Variants in RAD51B observed in about 807,000 individuals in gnomAD.
RAD51B encodes the protein DNA repair protein RAD51 homolog 2.
Under a neutral mutation model 42.2 loss-of-function variants are expected in RAD51B, and 38 were observed. That is an observed-to-expected ratio of 0.90 (90% CI 0.70 to 1.18). The LOEUF (loss-of-function observed/expected upper bound fraction) is 1.18, where lower values mean the gene tolerates loss of function less well. Among genes scored for constraint, RAD51B ranks in the 50% most tolerant of loss-of-function variants. The pLI, the probability that RAD51B is intolerant of heterozygous loss-of-function variation, is 0.00. For missense variants in RAD51B, 373 were observed against 400.7 expected (o/e 0.93, Z 0.59); for synonymous variants, 154 against 145.2 (o/e 1.06, Z -0.43).
intron 10 of RAD51B, among the ~76,000 whole-genome samples, chr14:68,507,965 TTTG>T (rs1483790262): frequency 6.6e-6 from 1 of 152,150 alleles, no homozygotes; most frequent in South Asian, 2.1e-4. Context: ...ACCCACAACC[TTTG>T]TACCGTCGGA....
intron 10 of RAD51B, among the ~76,000 whole-genome samples, chr14:68,635,187 C>G (rs1892317348): frequency 6.6e-6 from 1 of 152,174 alleles, no homozygotes; most frequent in South Asian, 2.1e-4. Context: ...GTGATCCGAT[C>G]CAATAATAGA....
chr14:68,632,375 G>A (rs1048341595), intron 10 of RAD51B, among the ~76,000 whole-genome samples: 4 of 152,144 alleles, frequency 2.6e-5, no homozygotes, highest in East Asian at 1.9e-4. Context: ...CAGGGAGAGC[G>A]GCCAAGTGAG....
At chr14:68,174,569 A>G (rs1175037560) in intron 7 of RAD51B, among the ~76,000 whole-genome samples, 2 of 152,146 alleles carry the variant, frequency 1.3e-5, no homozygotes, top group Non-Finnish European at 2.9e-5. Context: ...GATAGGATAC[A>G]TTGGAAATAC....
Position 68,100,491 on chromosome 14 carries a change from T to A in RAD51B, c.757-191393T>A, listed in dbSNP as rs529187771. 7.9e-5 allele frequency among the ~76,000 whole-genome samples: 12 copies of A among 152,278 alleles called. No homozygotes were observed. In the South Asian group the frequency reaches 2.3e-3, roughly 29 times the overall value. ...ACTGCACGTGGCCCAAAGTCTGTAATTTTTTTCAGTAAAGATTGATGGACT... is the reference window on the plus strand; with the variant it reads ...ACTGCACGTGGCCCAAAGTCTGTAAATTTTTTCAGTAAAGATTGATGGACT... On this transcript the variant is annotated intron_variant, in intron 7 of 10. Coordinates refer to ENST00000471583, the MANE Select transcript of RAD51B (RefSeq NM_133510.4).
intron 7 of RAD51B, among the ~76,000 whole-genome samples, chr14:68,012,986 AC>A (rs1210896279): frequency 6.6e-6 from 1 of 152,206 alleles, no homozygotes; most frequent in Non-Finnish European, 1.5e-5. Context: ...TTACCCCACA[AC>A]TTAGTGGCAC....
At chr14:68,423,630 C>A (rs145946715) in intron 9 of RAD51B, among the ~76,000 whole-genome samples, 1,982 of 152,302 alleles carry the variant, frequency 0.013, 80 homozygotes, top group Admixed American at 0.082. Flanking sequence ...AGGTTCTTAA[C>A]CTTTATTCTA....
chr14:68,384,538 GC>G lies in RAD51B; in HGVS notation c.854-26884del, dbSNP rs780122918. ...CAGAGTGGCAAGGCTGGCATGTCTG[GC>G]CTAAGTGTACACTCACGTCATTTAT... On this transcript the variant is annotated intron_variant, in intron 8 of 10. Coordinates refer to ENST00000471583, the MANE Select transcript of RAD51B (RefSeq NM_133510.4). Among the ~76,000 whole-genome samples the G allele has an allele frequency of 1.3e-4, 20 of 152,310 alleles. No homozygotes were observed. In the East Asian group the frequency reaches 3.5e-3, roughly 26 times the overall value.
At chr14:67,914,129 C>T (rs1210469851) in intron 7 of RAD51B, among the ~76,000 whole-genome samples, 1 of 152,082 alleles carries the variant, frequency 6.6e-6, no homozygotes, top group African/African-American at 2.4e-5. Flanking sequence ...ATATTAGGTG[C>T]ATACCACCAC....
intron 7 of RAD51B, among the ~76,000 whole-genome samples, chr14:68,291,284 C>T (rs975665647): frequency 2.0e-5 from 3 of 151,980 alleles, no homozygotes; most frequent in African/African-American, 4.8e-5. Context: ...CCACAACCTC[C>T]GCCTCTCGGA....
chr14:68,643,039 TG>T, intron 10 of RAD51B, among the ~76,000 whole-genome samples: 3 of 152,240 alleles, frequency 2.0e-5, no homozygotes, highest in Admixed American at 6.5e-5. Context: ...ATGTTCCATG[TG>T]TGCTTGAGAA....
chr14:68,180,419 G>A (rs2079040499), intron 7 of RAD51B, among the ~76,000 whole-genome samples: 3 of 152,132 alleles, frequency 2.0e-5, no homozygotes, highest in Admixed American at 2.0e-4. Flanking sequence ...AGAGAGGGCC[G>A]GGGTAGAGGA....
chr14:68,011,320 C>T (rs1170330615), intron 7 of RAD51B, among the ~76,000 whole-genome samples: 2 of 151,976 alleles, frequency 1.3e-5, no homozygotes, highest in Non-Finnish European at 2.9e-5. Context: ...AGTGAATAAA[C>T]ATTTTTTATA....
chr14:68,446,396 A>T (rs1395897073), intron 9 of RAD51B, among the ~76,000 whole-genome samples: 7 of 152,162 alleles, frequency 4.6e-5, no homozygotes, highest in African/African-American at 1.7e-4. Flanking sequence ...CCCTTCTCTC[A>T]TACCTACACT....
intron 8 of RAD51B, among the ~76,000 whole-genome samples, chr14:68,306,925 T>C (rs995622509): frequency 6.6e-6 from 1 of 152,116 alleles, no homozygotes; most frequent in African/African-American, 2.4e-5. Flanking sequence ...TGACAGGTCA[T>C]TGTTGCTCAG....
intron 7 of RAD51B, among the ~76,000 whole-genome samples, chr14:67,991,558 A>T (rs1209041271): frequency 6.6e-6 from 1 of 152,234 alleles, no homozygotes; most frequent in Non-Finnish European, 1.5e-5. Flanking sequence ...CTGAACAGCC[A>T]TCTGAAAGAG....
At chr14:68,035,949 A>C (rs2076114660) in intron 7 of RAD51B, among the ~76,000 whole-genome samples, 1 of 152,168 alleles carries the variant, frequency 6.6e-6, no homozygotes, top group South Asian at 2.1e-4. Flanking sequence ...ATTTGATATG[A>C]TCTAGATGGC....
chr14:68,534,535 G>A (rs1887496893), intron 10 of RAD51B, among the ~76,000 whole-genome samples: 1 of 152,156 alleles, frequency 6.6e-6, no homozygotes. Flanking sequence ...ATGGGACAGT[G>A]AGATAAAAAA....
intron 10 of RAD51B, among the ~76,000 whole-genome samples, chr14:68,490,034 G>GT (rs1408435590): frequency 6.6e-6 from 1 of 152,156 alleles, no homozygotes; most frequent in Non-Finnish European, 1.5e-5. Context: ...GCTGAGAGCC[G>GT]TAACTACCGC....
chr14:68,497,424 A>C, intron 10 of RAD51B: 1 of 1,101,064 alleles, frequency 9.1e-7, no homozygotes, highest in South Asian at 3.6e-5. Context: ...GACAATGGGC[A>C]CACAGGGAAC....
Sources: allele counts gnomAD v4.1 joint callset (sites outside exome capture counted in the v4.1 genomes callset), GRCh38; gene constraint gnomAD v4.1.1; transcripts MANE v1.5; gene names NCBI Gene and HGNC (gene_info 2026-07-23, HGNC 2026-07-21).